The following FAM135B variants were observed in gnomAD, a reference collection of about 807,000 sequenced individuals.
FAM135B encodes the protein protein FAM135B.
Under a neutral mutation model 127.7 loss-of-function variants are expected in FAM135B, and 43 were observed. That is an observed-to-expected ratio of 0.34 (90% CI 0.26 to 0.43). The LOEUF (loss-of-function observed/expected upper bound fraction) is 0.43, where lower values mean the gene tolerates loss of function less well. Ranked by LOEUF, FAM135B falls within the 20% of genes least tolerant of loss-of-function variation. FAM135B has a pLI of 1.00. For synonymous variants in FAM135B, 670 were observed against 665.1 expected (o/e 1.01, Z -0.11); for missense variants, 1,558 against 1,725.6 (o/e 0.90, Z 1.72).
chr8:138,475,642 C>T (rs1338132625), intron 1 of FAM135B, among the ~76,000 whole-genome samples: 2 of 152,158 alleles, frequency 1.3e-5, no homozygotes, highest in African/African-American at 4.8e-5. Flanking sequence ...ATATCCGCTG[C>T]CTCTGCCTTA....
At chr8:138,428,109 C>A (rs1834998981) in intron 1 of FAM135B, among the ~76,000 whole-genome samples, 1 of 152,120 alleles carries the variant, frequency 6.6e-6, no homozygotes. Flanking sequence ...AATTTATAAT[C>A]CAATCATCCC....
intron 3 of FAM135B, among the ~76,000 whole-genome samples, chr8:138,268,441 T>G (rs1823113335): frequency 1.3e-5 from 2 of 152,068 alleles, no homozygotes; most frequent in African/African-American, 4.8e-5. Context: ...GATAAGGCAT[T>G]TTTCATACCT....
chr8:138,374,357 A>G (rs1831334348), intron 1 of FAM135B, among the ~76,000 whole-genome samples: 1 of 152,256 alleles, frequency 6.6e-6, no homozygotes, highest in South Asian at 2.1e-4. Flanking sequence ...TTTGTAGAGT[A>G]TTAAAAATGT....
chr8:138,154,163 C>T (rs1264857676), intron 12 of FAM135B, among the ~76,000 whole-genome samples: 1 of 152,158 alleles, frequency 6.6e-6, no homozygotes, highest in Non-Finnish European at 1.5e-5. Context: ...ACTGGTGATA[C>T]CCAGGCAAAC....
chr8:138,160,897 A>G (rs1819323586), intron 12 of FAM135B, among the ~76,000 whole-genome samples: 1 of 152,192 alleles, frequency 6.6e-6, no homozygotes, highest in African/African-American at 2.4e-5. Context: ...CATCTTATGC[A>G]CAATACTTAC....
At chr8:138,166,299 G>C (rs962726794) in intron 12 of FAM135B, among the ~76,000 whole-genome samples, 13 of 152,138 alleles carry the variant, frequency 8.5e-5, no homozygotes, top group African/African-American at 2.9e-4. Flanking sequence ...AGGGCCGTGG[G>C]GCAGGACAAG....
intron 2 of FAM135B, among the ~76,000 whole-genome samples, chr8:138,345,801 A>G (rs781277917): frequency 6.6e-6 from 1 of 152,136 alleles, no homozygotes. Flanking sequence ...CTCCCATAAC[A>G]TCCTGCATGA....
At chr8:138,137,730 T>C (rs1816783402) in intron 18 of FAM135B, among the ~76,000 whole-genome samples, 1 of 152,160 alleles carries the variant, frequency 6.6e-6, no homozygotes, top group Non-Finnish European at 1.5e-5. Context: ...TCCCATGCTT[T>C]AGGAAAACAG....
chr8:138,206,512 CAGCTCTATCATCCCCTCCAT>C (rs1817643671), intron 7 of FAM135B, among the ~76,000 whole-genome samples: 18 of 151,590 alleles, frequency 1.2e-4, no homozygotes, highest in African/African-American at 1.5e-4. Flanking sequence ...GACCTACCCA[CAGCTCTATCATCCCCTCCAT>C]CTACACACAA....
At chr8:138,390,265 T>G (rs992857671) in intron 1 of FAM135B, among the ~76,000 whole-genome samples, 13 of 152,298 alleles carry the variant, frequency 8.5e-5, no homozygotes, top group African/African-American at 2.9e-4. Flanking sequence ...GGGAGGGAAC[T>G]GGTGGGAGGT....
intron 1 of FAM135B, among the ~76,000 whole-genome samples, chr8:138,383,618 C>A (rs138480982): frequency 7.4e-4 from 113 of 152,314 alleles, no homozygotes; most frequent in Non-Finnish European, 1.5e-3. Flanking sequence ...TTCGTTTAAT[C>A]TTCAAAACTC....
intron 1 of FAM135B, among the ~76,000 whole-genome samples, chr8:138,395,325 TG>T (rs1832788319): frequency 6.6e-6 from 1 of 152,130 alleles, no homozygotes; most frequent in African/African-American, 2.4e-5. Context: ...GGAGCCTGGC[TG>T]GGAGACGCCG....
At chr8:138,254,462 T>C (rs757866768) in intron 5 of FAM135B, among the ~76,000 whole-genome samples, 1 of 151,938 alleles carries the variant, frequency 6.6e-6, no homozygotes. Flanking sequence ...TGGAAGGAAG[T>C]GGAACAGAGT....
At chr8:138,231,124 A>G (rs569720433) in intron 7 of FAM135B, among the ~76,000 whole-genome samples, 61 of 152,058 alleles carry the variant, frequency 4.0e-4, no homozygotes, top group African/African-American at 1.4e-3. Flanking sequence ...GGTTCAAGCA[A>G]TTCTCCTGCC....
chr8:138,382,733 T>C (rs1027252791), intron 1 of FAM135B, among the ~76,000 whole-genome samples: 2 of 152,128 alleles, frequency 1.3e-5, no homozygotes, highest in Non-Finnish European at 2.9e-5. Flanking sequence ...TAACGTCCTA[T>C]TGTGATGGCA....
intron 5 of FAM135B, among the ~76,000 whole-genome samples, chr8:138,254,475 T>C (rs1185510006): frequency 3.3e-5 from 5 of 152,098 alleles, no homozygotes; most frequent in South Asian, 2.1e-4. Context: ...AACAGAGTGA[T>C]AGGGCGGGGT....
Position 138,186,221 on chromosome 8 carries a change from T to A in FAM135B, c.874-7531A>T, listed in dbSNP as rs200911561. The stretch of plus-strand genomic sequence containing the variant: ...GACCACATCAGCAGGGTCCACCTTA[T>A]CTGTGAACAAATCTATTTCTCATTG... On this transcript the variant is annotated intron_variant, in intron 9 of 19. Coordinates refer to ENST00000395297, the MANE Select transcript of FAM135B (RefSeq NM_015912.4). Among the ~76,000 whole-genome samples the A allele has an allele frequency of 3.9e-5, 6 of 152,322 alleles. No individual in the cohort carries two copies. In the East Asian group the frequency reaches 9.7e-4, roughly 25 times the overall value.
Position 138,148,560 on chromosome 8 carries a change from T to C in FAM135B, c.3408A>G (p.Glu1136=), listed in dbSNP as rs188252995. Residue 1136 remains glutamate (E), a synonymous_variant, in exon 14 of 20, where the codon GAA becomes GAG. Transcript: ENST00000395297. ...FPPEEEEENL[E]DGIHLVVCVH... ...CACAGACAACCAGGTGAATTCCATC[T>C]TCCAAATTTTCTTCCTCTTCCTCTG... 19 of 1,614,086 alleles carry C rather than the reference T, an allele frequency of 1.2e-5. No individual in the cohort carries two copies. The highest frequency in any genetic ancestry group is 9.3e-5 in the African/African-American group (7 of 75,060).
chr8:138,147,077 G>T (rs377610442), intron 14 of FAM135B, among the ~76,000 whole-genome samples: 37 of 152,182 alleles, frequency 2.4e-4, no homozygotes, highest in African/African-American at 8.7e-4. Context: ...CCCCTATGTT[G>T]GTGGCCTGTC....
Sources: gnomAD v4.1 joint callset for allele counts (sites outside exome capture counted in the v4.1 genomes callset) on GRCh38, gnomAD v4.1.1 for gene constraint, MANE v1.5 for transcripts, NCBI Gene and HGNC (gene_info 2026-07-23, HGNC 2026-07-21) for gene names.